The following ARHGDIA variants were observed in gnomAD, a reference collection of about 807,000 sequenced individuals.
ARHGDIA encodes the protein rho GDP-dissociation inhibitor 1.
A neutral mutation model predicts 25.0 loss-of-function variants in ARHGDIA; 9 were observed. That is an observed-to-expected ratio of 0.36 (90% CI 0.22 to 0.63). ARHGDIA has a LOEUF of 0.63. ARHGDIA is among the 20% of genes least tolerant of loss of function. ARHGDIA has a pLI of 0.69. For missense variants in ARHGDIA, 239 were observed against 264.3 expected, an observed-to-expected ratio of 0.90 and a Z score of 0.66; for synonymous variants, 166 against 111.5, an observed-to-expected ratio of 1.49 and a Z score of -3.08.
At chr17:81,870,883 G>A (rs937941552) in intron 1 of ARHGDIA, 1 of 151,692 alleles carries the variant, frequency 6.6e-6, no homozygotes, top group Non-Finnish European at 1.5e-5. Context: ...CAATCCCCGC[G>A]TCGCCCCCGA....
chr17:81,868,358 C>T lies in ARHGDIA; in HGVS notation c.*518G>A, dbSNP rs1220997259. 7.0e-7 allele frequency: 1 copy of T among 1,436,480 alleles called. No individual in the cohort carries two copies. Among genetic ancestry groups the T allele is most frequent in the African/African-American group, 1.4e-5 (1 of 69,798 alleles). The allele number at this position is 1,436,480 out of a possible 1,614,324, so 89.0% of individuals were successfully genotyped here. ...GGCTAGTGAGGCCCCACGGTACACT[C>T]CACATGTTAAGGCATCATGGTTAGA... is the stretch of plus-strand genomic sequence containing the variant. On this transcript the variant is annotated 3_prime_UTR_variant, in exon 6 of 6. Transcript: ENST00000269321.
At chr17:81,871,144 C>T (rs917846511) in intron 1 of ARHGDIA, among the ~76,000 whole-genome samples, 154 bp downstream of exon 1, 27 of 146,380 alleles carry the variant, frequency 1.8e-4, no homozygotes, top group African/African-American at 5.9e-4. Context: ...TCACCGCGCC[C>T]CCGCCCGCCG....
In ARHGDIA at chr17:81,868,205, G is replaced by A. The variant is rs1006356104; in HGVS notation, c.*671C>T. 2.3e-5 allele frequency: 17 copies of A among 726,750 alleles called. No homozygotes were observed. The highest frequency in any genetic ancestry group is 2.3e-4 in the Admixed American group (7 of 30,474). 45.0% of individuals were successfully genotyped at this position (726,750 alleles called of 1,614,324 possible). A position where few individuals can be genotyped will look rare whatever the true frequency, so the allele number is the denominator to read the frequency against. On this transcript the variant is annotated 3_prime_UTR_variant, in exon 6 of 6. Transcript: ENST00000269321. ...TCCACAGCCCTGTCCAGGGAAGGGGGCAGGCTGGCCAGGCACTGGTGGGCT... is the reference window on the plus strand; with the variant it reads ...TCCACAGCCCTGTCCAGGGAAGGGGACAGGCTGGCCAGGCACTGGTGGGCT...
Position 81,868,096 on chromosome 17 carries a change from G to A in ARHGDIA, c.*780C>T. On this transcript the variant is annotated 3_prime_UTR_variant, in exon 6 of 6. Transcript: ENST00000269321. ...GCCCGCTGAGACAGAAAAGGCAGAG[G>A]CAGGACAATACCCAGCCTCCTGGAT... is the stretch of plus-strand genomic sequence containing the variant. 1 of 375,600 alleles carries A rather than the reference G, an allele frequency of 2.7e-6. No individual in the cohort carries two copies. The highest frequency in any genetic ancestry group is 4.8e-6 in the Non-Finnish European group (1 of 208,804). The allele number at this position is 375,600 out of a possible 1,614,324, so 23.3% of individuals were successfully genotyped here. A position where few individuals can be genotyped will look rare whatever the true frequency, so the allele number is the denominator to read the frequency against.
rs67492359 is a variant in ARHGDIA at position 81,868,054 on chromosome 17, T to C, written c.*822A>G. 6.3e-3 allele frequency: 1,708 copies of C among 270,440 alleles called. 9 individuals are homozygous for C. Among genetic ancestry groups the C allele is most frequent in the Admixed American group, 0.013 (242 of 19,050 alleles). The allele number at this position is 270,440 out of a possible 1,614,324, so 16.8% of individuals were successfully genotyped here. A position where few individuals can be genotyped will look rare whatever the true frequency, so the allele number is the denominator to read the frequency against. ...TGTCCATCGAGGGCTCTTGGGGGGG[T>C]GTGGGCTCTGGGCACTGCCCGCTGA... On this transcript the variant is annotated 3_prime_UTR_variant, in exon 6 of 6. Coordinates refer to ENST00000269321, the MANE Select transcript of ARHGDIA (RefSeq NM_004309.6).
rs1238924957 is a variant in ARHGDIA at position 81,868,976 on chromosome 17, C to T, written c.515G>A (p.Arg172Gln). The change falls in exon 6 of 6, where the codon CGG becomes CAG. Residue 172 changes from arginine to glutamine, a missense_variant. By Grantham distance (43) the Arg-to-Gln change is conservative. Coordinates refer to ENST00000269321, the MANE Select transcript of ARHGDIA (RefSeq NM_004309.6). ...GCGGGACTTGATGCTGTAGCTGCCC[C>T]GGGCCAGCATACCCTTGGGTGCCTC... ...VEEAPKGMLA[R>Q]GSYSIKSRFT... is the part of the protein sequence containing the mutation. 2 of 1,613,818 alleles carry T rather than the reference C, an allele frequency of 1.2e-6. No homozygotes were observed. The highest frequency in any genetic ancestry group is 1.7e-6 in the Non-Finnish European group (2 of 1,179,988).
At chr17:81,870,275 CG>C in intron 1 of ARHGDIA, 1 of 319,766 alleles carries the variant, frequency 3.1e-6, no homozygotes, top group Non-Finnish European at 5.9e-6. Context: ...AATCAACCGG[CG>C]GGGCCCACAC....
At position 81,869,617 on chromosome 17, in the gene ARHGDIA, C is replaced by T. The variant is rs200283878; in HGVS notation, c.199G>A (p.Val67Ile). The change falls in exon 3 of 6, where the codon GTC (valine) becomes ATC (isoleucine). Residue 67 changes from valine to isoleucine, a missense_variant. By Grantham distance (29) the Val-to-Ile change is conservative. Around this residue, in one of 3 missense-constraint regions of ARHGDIA, gnomAD observed 135 missense variants for 119.8 expected, o/e 1.13. Coordinates refer to ENST00000269321, the MANE Select transcript of ARHGDIA (RefSeq NM_004309.6). ...GRVAVSADPNVPNVVVTGLTL... is the reference protein window; with the variant it reads ...GRVAVSADPNIPNVVVTGLTL... The stretch of plus-strand genomic sequence containing the variant: ...AGGCCAGTCACCACGACGTTGGGGA[C>T]GTTGGGGTCTGGGGAGTGACAGCAG... 18 of 1,516,364 alleles carry T rather than the reference C, an allele frequency of 1.2e-5. No homozygotes were observed. The Admixed American group carries it at 2.5e-4, about 21-fold the overall frequency. The allele number at this position is 1,516,364 out of a possible 1,614,324, so 93.9% of individuals were successfully genotyped here.
rs982079574 is a variant in ARHGDIA, at chr17:81,868,449, C to T, written c.*427G>A. 9.4e-6 allele frequency: 14 copies of T among 1,486,268 alleles called. No homozygotes were observed. The highest frequency in any genetic ancestry group is 7.4e-5 in the East Asian group (3 of 40,400). 92.1% of individuals were successfully genotyped at this position (1,486,268 alleles called of 1,614,324 possible). ...GGGCTGGAGGACGGCCCGGCCCCCA[C>T]GAGGCCGTGCATCCCACACCCCAGC... On this transcript the variant is annotated 3_prime_UTR_variant, in exon 6 of 6. Transcript: ENST00000269321.
In ARHGDIA at chr17:81,868,719, A is replaced by G; in HGVS notation, c.*157T>C. 2 of 1,508,152 alleles carry G rather than the reference A, an allele frequency of 1.3e-6. No homozygotes were observed. Among genetic ancestry groups the G allele is most frequent in the Non-Finnish European group, 1.8e-6 (2 of 1,135,640 alleles). 93.4% of individuals were successfully genotyped at this position (1,508,152 alleles called of 1,614,324 possible). A position where few individuals can be genotyped will look rare whatever the true frequency, so the allele number is the denominator to read the frequency against. On this transcript the variant is annotated 3_prime_UTR_variant, in exon 6 of 6. Transcript: ENST00000269321. Reference sequence around the variant, plus strand: ...GGGGAGGGCTGAGGAGGGGGGTCGGAGGCACTCGGTTGAGCCAGGCCAGGG... The same window carrying G: ...GGGGAGGGCTGAGGAGGGGGGTCGGGGGCACTCGGTTGAGCCAGGCCAGGG...
Position 81,869,915 on chromosome 17 carries a change from G to C in ARHGDIA, c.16C>G (p.Pro6Ala), listed in dbSNP as rs370020140. 5 of 1,613,428 alleles carry C rather than the reference G, an allele frequency of 3.1e-6. No individual in the cohort carries two copies. In the African/African-American group the frequency reaches 6.7e-5, roughly 22 times the overall value. The change falls in exon 2 of 6, where the codon CCC becomes GCC. Residue 6 changes from proline to alanine, a missense_variant. Pro to Ala is a conservative substitution (Grantham distance 27). This residue lies in a region of ARHGDIA where 135 missense variants were observed against 119.8 expected (regional missense o/e 1.13). Coordinates refer to ENST00000269321, the MANE Select transcript of ARHGDIA (RefSeq NM_004309.6). MAEQEPTAEQLAQIAA... is the reference protein window; with the variant it reads MAEQEATAEQLAQIAA... ...ATCTGGGCCAGCTGCTCGGCTGTGG[G>C]CTCCTGCTCAGCCATGCTCAAGCTT...
In ARHGDIA at chr17:81,868,513, C is replaced by T. The variant is rs1030017053; in HGVS notation, c.*363G>A. ...AGCAGACGCACACGTCCAGGGGCAACCACGGGGCCTGGAGAATGGCTGCTC... is the reference window on the plus strand; with the variant it reads ...AGCAGACGCACACGTCCAGGGGCAATCACGGGGCCTGGAGAATGGCTGCTC... On this transcript the variant is annotated 3_prime_UTR_variant, in exon 6 of 6. Transcript: ENST00000269321. The T allele has an allele frequency of 5.2e-6, 8 of 1,530,538 alleles. No individual in the cohort carries two copies. The highest frequency in any genetic ancestry group is 7.0e-6 in the Non-Finnish European group (8 of 1,143,394). The allele number at this position is 1,530,538 out of a possible 1,614,324, so 94.8% of individuals were successfully genotyped here.
Position 81,868,564 on chromosome 17 carries a change from G to A in ARHGDIA, c.*312C>T. On this transcript the variant is annotated 3_prime_UTR_variant, in exon 6 of 6. Coordinates refer to ENST00000269321, the MANE Select transcript of ARHGDIA (RefSeq NM_004309.6). ...CGCTCCCTCCTGAAGCCAGGCCTCGGGTGTGACGGGGAGATAGAACCTGGG... is the reference window on the plus strand; with the variant it reads ...CGCTCCCTCCTGAAGCCAGGCCTCGAGTGTGACGGGGAGATAGAACCTGGG... The A allele has an allele frequency of 6.5e-7, 1 of 1,535,164 alleles. No individual in the cohort carries two copies.
chr17:81,870,012 T>C, intron 1 of ARHGDIA, 55 bp from the exon 2 acceptor site: 1 of 1,539,186 alleles, frequency 6.5e-7, no homozygotes, highest in East Asian at 2.3e-5. Flanking sequence ...GAGGCGCACT[T>C]CTGAGCAGGA....
rs761853814 is a variant in ARHGDIA at position 81,869,534 on chromosome 17, GC to G, written c.274+7del. On this transcript the variant is annotated splice_region_variant and intron_variant, in intron 3 of 5. Coordinates refer to ENST00000269321, the MANE Select transcript of ARHGDIA (RefSeq NM_004309.6). ...CCGCCCGGACCCCCGCGGCCGCAGG[GC>G]ACTCACCCGTCAGGTCCAGCTCCAG... The G allele has an allele frequency of 6.3e-7, 1 of 1,595,966 alleles. No homozygotes were observed. Among genetic ancestry groups the G allele is most frequent in the Non-Finnish European group, 8.5e-7 (1 of 1,171,812 alleles).
chr17:81,868,818 A>C lies in ARHGDIA; in HGVS notation c.*58T>G. 6.2e-7 allele frequency: 1 copy of C among 1,605,634 alleles called. No homozygotes were observed. ...ATGGGGAGGGGAGGGGCTGGGGGGG[A>C]CACATCCGCCTGTCCGTCGTCCGTC... On this transcript the variant is annotated 3_prime_UTR_variant, in exon 6 of 6. Coordinates refer to ENST00000269321, the MANE Select transcript of ARHGDIA (RefSeq NM_004309.6).
chr17:81,871,127 C>T (rs1199872176), intron 1 of ARHGDIA, among the ~76,000 whole-genome samples, 171 bp downstream of exon 1: 3 of 145,788 alleles, frequency 2.1e-5, no homozygotes, highest in African/African-American at 2.5e-5. Context: ...ACCGCCCTGG[C>T]CCGCTGTCAC....
Position 81,868,234 on chromosome 17 carries a change from GAGC to G in ARHGDIA, c.*639_*641del, listed in dbSNP as rs957270972. 1.5e-5 allele frequency: 13 copies of G among 891,330 alleles called. No homozygotes were observed. Among genetic ancestry groups the G allele is most frequent in the South Asian group, 1.1e-4 (5 of 45,482 alleles). 55.2% of individuals were successfully genotyped at this position (891,330 alleles called of 1,614,324 possible). A position where few individuals can be genotyped will look rare whatever the true frequency, so the allele number is the denominator to read the frequency against. ...GCTGGCCAGGCACTGGTGGGCTGGG[GAGC>G]AGCAGCAGCACACCCCACGTGTCCC... On this transcript the variant is annotated 3_prime_UTR_variant, in exon 6 of 6. Coordinates refer to ENST00000269321, the MANE Select transcript of ARHGDIA (RefSeq NM_004309.6).
chr17:81,868,355 A>G lies in ARHGDIA; in HGVS notation c.*521T>C. 1 of 1,432,176 alleles carries G rather than the reference A, an allele frequency of 7.0e-7. No homozygotes were observed. Among genetic ancestry groups the G allele is most frequent in the Non-Finnish European group, 9.1e-7 (1 of 1,095,844 alleles). The allele number at this position is 1,432,176 out of a possible 1,614,324, so 88.7% of individuals were successfully genotyped here. On this transcript the variant is annotated 3_prime_UTR_variant, in exon 6 of 6. Coordinates refer to ENST00000269321, the MANE Select transcript of ARHGDIA (RefSeq NM_004309.6). The stretch of plus-strand genomic sequence containing the variant: ...AGAGGCTAGTGAGGCCCCACGGTAC[A>G]CTCCACATGTTAAGGCATCATGGTT...
Sources: allele counts gnomAD v4.1 joint callset (sites outside exome capture counted in the v4.1 genomes callset), GRCh38; gene constraint gnomAD v4.1.1; regional missense constraint gnomAD v4.1.1; transcripts MANE v1.5; gene names NCBI Gene and HGNC (gene_info 2026-07-23, HGNC 2026-07-21).